Variants in DPY19L1 observed in about 807,000 individuals in gnomAD.
DPY19L1 encodes the protein protein C-mannosyl-transferase DPY19L1.
Under a neutral mutation model 96.9 loss-of-function variants are expected in DPY19L1, and 35 were observed. The observed-to-expected ratio is 0.36, with a 90% CI of 0.28 to 0.48. The LOEUF (loss-of-function observed/expected upper bound fraction) is 0.48. Ranked by LOEUF, DPY19L1 falls within the 20% of genes least tolerant of loss-of-function variation. The pLI is 0.99. For missense variants in DPY19L1, 521 were observed against 777.9 expected, an observed-to-expected ratio of 0.67 and a Z score of 3.93; for synonymous variants, 205 against 252.6, an observed-to-expected ratio of 0.81 and a Z score of 1.79.
chr7:34,993,581 TAAC>T (rs927413902), intron 6 of DPY19L1, among the ~76,000 whole-genome samples: 2 of 152,118 alleles, frequency 1.3e-5, no homozygotes, highest in African/African-American at 4.8e-5. Context: ...TTCTTACATA[TAAC>T]ATCTGAACCA....
chr7:34,998,723 G>C (rs1198040875), intron 6 of DPY19L1, among the ~76,000 whole-genome samples: 2 of 152,200 alleles, frequency 1.3e-5, no homozygotes, highest in Non-Finnish European at 2.9e-5. Context: ...AGTCAGTTAA[G>C]ACCCATCCAC....
At chr7:35,017,570 G>A (rs1222129843) in intron 3 of DPY19L1, among the ~76,000 whole-genome samples, 3 of 148,740 alleles carry the variant, frequency 2.0e-5, no homozygotes, top group African/African-American at 7.5e-5. Context: ...TACTCAGGAG[G>A]CTGAGGCAGG....
chr7:35,022,298 T>C (rs1786014131), intron 1 of DPY19L1, among the ~76,000 whole-genome samples: 1 of 152,114 alleles, frequency 6.6e-6, no homozygotes, highest in Non-Finnish European at 1.5e-5. Flanking sequence ...ACCTATTCTA[T>C]AAGAAAAAGG....
At chr7:34,957,778 A>C (rs1173575150) in intron 11 of DPY19L1, among the ~76,000 whole-genome samples, 12 of 151,630 alleles carry the variant, frequency 7.9e-5, no homozygotes, top group Non-Finnish European at 1.5e-4. Flanking sequence ...AAAGCATAGA[A>C]ACTTTTCTGA....
In DPY19L1 at chr7:34,958,074, G is replaced by T. The variant is rs1384178697; in HGVS notation, c.1093-4C>A. The T allele has an allele frequency of 1.9e-6, 3 of 1,560,640 alleles. No homozygotes were observed. Among genetic ancestry groups the T allele is most frequent in the Non-Finnish European group, 2.6e-6 (3 of 1,161,984 alleles). ...CAAAACAAAGTGCAAGAGAAATCTG[G>T]AAAAATCCAAGAAAAAAATATAAGT... On this transcript the variant is annotated splice_polypyrimidine_tract_variant and splice_region_variant and intron_variant, in intron 10 of 21. Coordinates refer to ENST00000638088, the MANE Select transcript of DPY19L1 (RefSeq NM_001366673.1).
At chr7:34,939,243 G>A (rs764357521) in intron 20 of DPY19L1, 33 bp downstream of exon 20, 28 of 1,582,208 alleles carry the variant, frequency 1.8e-5, no homozygotes, top group African/African-American at 5.4e-5. Context: ...TGCATGGGAG[G>A]TTTGTTTTGA....
chr7:34,971,918 G>A (rs542388253), intron 8 of DPY19L1, among the ~76,000 whole-genome samples: 1 of 152,288 alleles, frequency 6.6e-6, no homozygotes, highest in African/African-American at 2.4e-5. Context: ...GCTGCAGATG[G>A]AATGAAGATG....
upstream of DPY19L1, chr7:35,037,837 G>C: frequency 8.1e-7 from 1 of 1,231,900 alleles, no homozygotes; most frequent in Non-Finnish European, 1.0e-6. Flanking sequence ...GCCCGCGCGG[G>C]GCTCGGCCGG....
At chr7:34,935,225 G>C (rs1252652323) in intron 21 of DPY19L1, among the ~76,000 whole-genome samples, 3 of 152,126 alleles carry the variant, frequency 2.0e-5, no homozygotes, top group Non-Finnish European at 4.4e-5. Flanking sequence ...GAGTTCAACA[G>C]CTTTTAGGAA....
chr7:34,936,914 C>T (rs912243734), intron 21 of DPY19L1, among the ~76,000 whole-genome samples: 13 of 152,156 alleles, frequency 8.5e-5, no homozygotes, highest in Non-Finnish European at 1.3e-4. Flanking sequence ...AAAGTGTGAT[C>T]AAGCCACAAA....
At chr7:35,007,978 C>A (rs1371891933) in intron 6 of DPY19L1, among the ~76,000 whole-genome samples, 1 of 152,094 alleles carries the variant, frequency 6.6e-6, no homozygotes, top group East Asian at 1.9e-4. Flanking sequence ...CTGTTCCAAT[C>A]TGAATCCTCC....
intron 1 of DPY19L1, among the ~76,000 whole-genome samples, chr7:35,031,259 T>C (rs1786253454): frequency 1.3e-5 from 2 of 152,224 alleles, no homozygotes; most frequent in Non-Finnish European, 2.9e-5. Flanking sequence ...CATGCAGATA[T>C]TATTCCCTAA....
intron 6 of DPY19L1, among the ~76,000 whole-genome samples, chr7:34,991,143 T>C (rs1785158805): frequency 6.6e-6 from 1 of 152,196 alleles, no homozygotes; most frequent in Non-Finnish European, 1.5e-5. Flanking sequence ...ACACAGCCAC[T>C]CGCTGCCAGA....
intron 8 of DPY19L1, among the ~76,000 whole-genome samples, chr7:34,973,219 A>C (rs1784763079): frequency 6.6e-6 from 1 of 152,152 alleles, no homozygotes; most frequent in African/African-American, 2.4e-5. Context: ...CATTTTCAAG[A>C]GGTTACAGTG....
chr7:35,003,717 G>T (rs987615769), intron 6 of DPY19L1, among the ~76,000 whole-genome samples: 1 of 152,168 alleles, frequency 6.6e-6, no homozygotes, highest in African/African-American at 2.4e-5. Context: ...CAGGCTCCTG[G>T]TTGAAAACCT....
chr7:35,005,636 TA>T (rs755623073), intron 6 of DPY19L1, among the ~76,000 whole-genome samples: 21,705 of 83,652 alleles, frequency 0.26, 2,477 homozygotes, highest in Non-Finnish European at 0.32. Flanking sequence ...CTGTCTCTAC[TA>T]AAAAAAAAAA....
intron 1 of DPY19L1, among the ~76,000 whole-genome samples, chr7:35,029,460 T>C (rs1434667120): frequency 2.0e-5 from 3 of 152,150 alleles, no homozygotes; most frequent in South Asian, 4.1e-4. Context: ...GGCCCCATCA[T>C]ATTCAGCAAG....
At chr7:34,995,594 T>C (rs1177555873) in intron 6 of DPY19L1, among the ~76,000 whole-genome samples, 2 of 152,208 alleles carry the variant, frequency 1.3e-5, no homozygotes, top group East Asian at 3.8e-4. Flanking sequence ...TTAAATCAAT[T>C]ATCAAGTTTT....
chr7:34,973,548 C>T lies in DPY19L1; in HGVS notation c.880G>A (p.Val294Ile). The T allele has an allele frequency of 6.5e-7, 1 of 1,540,048 alleles. No homozygotes were observed. Among genetic ancestry groups the T allele is most frequent in the East Asian group, 2.4e-5 (1 of 42,018 alleles). The change falls in exon 8 of 22, where the codon GTT (valine) becomes ATT (isoleucine). Residue 294 changes from valine (V) to isoleucine (I), a missense_variant. Transcript: ENST00000638088. Reference protein sequence around the residue: ...LRESFSYPFLVLQMLLVTHIL... With the variant: ...LRESFSYPFLILQMLLVTHIL... Reference sequence around the variant, plus strand: ...TGAGTCACTAGCAACATCTGAAGAACAAGAAATGGATATGAGAAGCTTTCA... The same window carrying T: ...TGAGTCACTAGCAACATCTGAAGAATAAGAAATGGATATGAGAAGCTTTCA...
Sources: gnomAD v4.1 joint callset for allele counts (sites outside exome capture counted in the v4.1 genomes callset) on GRCh38, gnomAD v4.1.1 for gene constraint, MANE v1.5 for transcripts, NCBI Gene and HGNC (gene_info 2026-07-23, HGNC 2026-07-21) for gene names.